ABLIM2: variants seen among roughly 807,000 people sequenced by gnomAD.
ABLIM2 encodes actin-binding LIM protein 2.
In ABLIM2, 53 loss-of-function variants were observed where a neutral mutation model predicts 97.7. The ratio of observed to expected loss-of-function variants is 0.54; its 90% CI spans 0.44 to 0.68. The LOEUF is 0.68. ABLIM2 is among the 30% of genes least tolerant of loss of function. ABLIM2 has a pLI of 0.00. For missense variants in ABLIM2, 835 were observed against 867.2 expected (o/e 0.96, Z 0.47); for synonymous variants, 361 against 345.8 (o/e 1.04, Z -0.49).
chr4:8,102,547 A>G, intron 2 of ABLIM2, among the ~76,000 whole-genome samples: 1 of 152,212 alleles, frequency 6.6e-6, no homozygotes, highest in East Asian at 1.9e-4. Context: ...ATAAATAGTT[A>G]TTGAATGACT....
intron 2 of ABLIM2, among the ~76,000 whole-genome samples, chr4:8,105,752 C>T (rs1056938943): frequency 1.3e-5 from 2 of 152,204 alleles, no homozygotes; most frequent in African/African-American, 2.4e-5. Flanking sequence ...GCAAACTCCT[C>T]GGGTCGACAT....
chr4:8,042,974 G>C (rs1048764263), intron 9 of ABLIM2, among the ~76,000 whole-genome samples: 4 of 151,530 alleles, frequency 2.6e-5, no homozygotes, highest in African/African-American at 9.7e-5. Flanking sequence ...AACATAAAAA[G>C]ACCTCATCTC....
In ABLIM2 at chr4:8,097,288, G is replaced by A; in HGVS notation, c.155-6C>T. On this transcript the variant is annotated splice_region_variant and splice_polypyrimidine_tract_variant and intron_variant, in intron 2 of 20. Coordinates refer to ENST00000447017, the MANE Select transcript of ABLIM2 (RefSeq NM_001130083.2). ...GGCCAGGTCGCAGCCACATGCTGGGGGAGGACGGGCGAGGTGGCGTTAGCG... is the reference window on the plus strand; with the variant it reads ...GGCCAGGTCGCAGCCACATGCTGGGAGAGGACGGGCGAGGTGGCGTTAGCG... The A allele has an allele frequency of 9.6e-6, 15 of 1,556,656 alleles. No homozygotes were observed. The highest frequency in any genetic ancestry group is 1.3e-5 in the Non-Finnish European group (15 of 1,150,774).
Position 8,120,526 on chromosome 4 carries a change from G to A in ABLIM2, c.11-13889C>T, listed in dbSNP as rs954597467. On this transcript the variant is annotated intron_variant, in intron 1 of 20. Transcript: ENST00000447017. The surrounding 1 kb of genome is among the most constrained non-coding windows in gnomAD (Gnocchi z 5.6). ...GATGGCGACTTAGATGCCAGGAGAG[G>A]GGCCCTGGGACGGGTCCTTCCTTGC... is the stretch of plus-strand genomic sequence containing the variant. 2.0e-5 allele frequency among the ~76,000 whole-genome samples: 3 copies of A among 152,080 alleles called. No individual in the cohort carries two copies. Among genetic ancestry groups the A allele is most frequent in the African/African-American group, 7.2e-5 (3 of 41,384 alleles).
At chr4:8,006,813 A>G (rs1248320140) in intron 16 of ABLIM2, among the ~76,000 whole-genome samples, 3 of 152,104 alleles carry the variant, frequency 2.0e-5, no homozygotes, top group Non-Finnish European at 4.4e-5. Context: ...TGAGGTGGGC[A>G]GTTCCTCCGG....
chr4:8,024,101 G>A (rs11934947), intron 12 of ABLIM2, among the ~76,000 whole-genome samples: 8 of 152,078 alleles, frequency 5.3e-5, no homozygotes, highest in African/African-American at 1.2e-4. Context: ...AGGCGCTGCC[G>A]GGGTCTGGGC....
rs1401244925 is a variant in ABLIM2 at position 8,033,404 on chromosome 4, A to G, written c.1047+2745T>C. Among the ~76,000 whole-genome samples the G allele has an allele frequency of 1.3e-5, 2 of 152,204 alleles. No individual in the cohort carries two copies. Among genetic ancestry groups the G allele is most frequent in the Non-Finnish European group, 2.9e-5 (2 of 68,022 alleles). On this transcript the variant is annotated intron_variant, in intron 10 of 20. Coordinates refer to ENST00000447017, the MANE Select transcript of ABLIM2 (RefSeq NM_001130083.2). The surrounding 1 kb of genome is among the most constrained non-coding windows in gnomAD (Gnocchi z 4.5). ...CACGGGCCCTGTGAAGCCCTGTGCC[A>G]TGGGAGGTGGGAAGCTGAAGGCCAT...
rs1273489026 is a variant in ABLIM2 at position 8,122,820 on chromosome 4, A to C, written c.11-16183T>G. 6.6e-6 allele frequency among the ~76,000 whole-genome samples: 1 copy of C among 151,450 alleles called. No individual in the cohort carries two copies. Among genetic ancestry groups the C allele is most frequent in the Non-Finnish European group, 1.5e-5 (1 of 67,880 alleles). ...AAACAGAGGTTCCAAGCAGGAATGC[A>C]CCTCCCCAGGCCACTGGGACCCAGG... On this transcript the variant is annotated intron_variant, in intron 1 of 20. Coordinates refer to ENST00000447017, the MANE Select transcript of ABLIM2 (RefSeq NM_001130083.2). The surrounding 1 kb of genome is among the most constrained non-coding windows in gnomAD (Gnocchi z 4.1).
At chr4:8,039,129 A>G (rs935134287) in intron 9 of ABLIM2, among the ~76,000 whole-genome samples, 1 of 152,202 alleles carries the variant, frequency 6.6e-6, no homozygotes, top group Non-Finnish European at 1.5e-5. Flanking sequence ...TTCATCACTG[A>G]GACCCTTGCC....
chr4:8,145,206 CAG>C (rs1269752321), intron 1 of ABLIM2, among the ~76,000 whole-genome samples: 1 of 149,948 alleles, frequency 6.7e-6, no homozygotes, highest in African/African-American at 2.5e-5. Context: ...TTTTTCCAGA[CAG>C]AGTCTCGCTC....
rs77758006 is a variant in ABLIM2, at chr4:8,001,841, C to T, written c.1618+6218G>A. On this transcript the variant is annotated intron_variant, in intron 16 of 20. Coordinates refer to ENST00000447017, the MANE Select transcript of ABLIM2 (RefSeq NM_001130083.2). The surrounding 1 kb of genome is among the most constrained non-coding windows in gnomAD (Gnocchi z 4.2). ...CTCTCCTGGCTTTCTCCCTCCTGGG[C>T]GCTCCTCCCCACTTCCTCTGTGGAA... 0.012 allele frequency among the ~76,000 whole-genome samples: 1,808 copies of T among 152,268 alleles called. 41 individuals carry two copies. The highest frequency in any genetic ancestry group is 0.038 in the African/African-American group (1,571 of 41,554).
At chr4:8,045,336 G>C in intron 8 of ABLIM2, 95 bp from the exon 9 acceptor site, 1 of 1,119,734 alleles carries the variant, frequency 8.9e-7, no homozygotes, top group Non-Finnish European at 1.4e-6. Context: ...AGCCACGCCA[G>C]CGCACTGCGG....
chr4:7,983,123 G>T, intron 20 of ABLIM2, 141 bp downstream of exon 20: 1 of 873,930 alleles, frequency 1.1e-6, no homozygotes, highest in Non-Finnish European at 1.8e-6. Context: ...GGCAATGTGG[G>T]CCTGACTCTG....
At chr4:8,064,767 A>G (rs1179144166) in intron 6 of ABLIM2, among the ~76,000 whole-genome samples, 7 of 152,102 alleles carry the variant, frequency 4.6e-5, no homozygotes, top group Admixed American at 3.9e-4. Flanking sequence ...TTGGGGACTC[A>G]CGGGGGAGTC....
Position 7,999,856 on chromosome 4 carries a change from C to T in ABLIM2, c.1619-6929G>A, listed in dbSNP as rs1755866722. Reference sequence around the variant, plus strand: ...CCTGCCATAGCCACCTTGCCCTCAGCACCCCGCCAGGCCTGCTCTTGGGGC... The same window carrying T: ...CCTGCCATAGCCACCTTGCCCTCAGTACCCCGCCAGGCCTGCTCTTGGGGC... On this transcript the variant is annotated intron_variant, in intron 16 of 20. Coordinates refer to ENST00000447017, the MANE Select transcript of ABLIM2 (RefSeq NM_001130083.2). The surrounding 1 kb of genome is among the most constrained non-coding windows in gnomAD (Gnocchi z 4.4). 6.6e-6 allele frequency among the ~76,000 whole-genome samples: 1 copy of T among 152,214 alleles called. No individual in the cohort carries two copies. The highest frequency in any genetic ancestry group is 1.5e-5 in the Non-Finnish European group (1 of 68,028).
rs193286044 is a variant in ABLIM2, at chr4:8,045,332, G to A, written c.823-91C>T. On this transcript the variant is annotated intron_variant, in intron 8 of 20. Coordinates refer to ENST00000447017, the MANE Select transcript of ABLIM2 (RefSeq NM_001130083.2). Reference sequence around the variant, plus strand: ...TCAGGAGTTCCACTCCAGCAGCCACGCCAGCGCACTGCGGTGTTTCTTTAA... The same window carrying A: ...TCAGGAGTTCCACTCCAGCAGCCACACCAGCGCACTGCGGTGTTTCTTTAA... 4.1e-3 allele frequency: 4,761 copies of A among 1,152,722 alleles called. 209 individuals carry two copies. In the Admixed American group the frequency reaches 0.075, roughly 18 times the overall value. The allele number at this position is 1,152,722 out of a possible 1,614,324, so 71.4% of individuals were successfully genotyped here.
At chr4:8,041,774 G>C (rs1450486955) in intron 9 of ABLIM2, among the ~76,000 whole-genome samples, 1 of 152,006 alleles carries the variant, frequency 6.6e-6, no homozygotes, top group Non-Finnish European at 1.5e-5. Flanking sequence ...CATGGTGGCG[G>C]GTGCCTGTTG....
chr4:7,992,897 G>C lies in ABLIM2; in HGVS notation c.1649C>G (p.Pro550Arg), dbSNP rs775822582. 2.5e-6 allele frequency: 4 copies of C among 1,613,112 alleles called. No homozygotes were observed. The South Asian group carries it at 3.3e-5, about 13-fold the overall frequency. The change falls in exon 17 of 21, where the codon CCA becomes CGA. Residue 550 changes from proline to arginine, a missense_variant. Coordinates refer to ENST00000447017, the MANE Select transcript of ABLIM2 (RefSeq NM_001130083.2). The surrounding 1 kb of genome is among the most constrained non-coding windows in gnomAD (Gnocchi z 5.7). ...RFPYSKSDPL[P>R]GHGKNGLDQR... ...GTCCAAGCCATTCTTTCCATGTCCT[G>C]GGAGAGGGTCAGATTTGGAATAGGG... is the stretch of plus-strand genomic sequence containing the variant.
At chr4:8,036,347 A>C in intron 9 of ABLIM2, 52 bp from the exon 10 acceptor site, 1 of 1,594,636 alleles carries the variant, frequency 6.3e-7, no homozygotes, top group Admixed American at 1.7e-5. Flanking sequence ...TGCACCCCAG[A>C]GGGCAGCACC....
Sources: allele counts gnomAD v4.1 joint callset (sites outside exome capture counted in the v4.1 genomes callset), GRCh38; gene constraint gnomAD v4.1.1; non-coding constraint Gnocchi (gnomAD v3.1); transcripts MANE v1.5; gene names NCBI Gene and HGNC (gene_info 2026-07-23, HGNC 2026-07-21).